SLC9C1: variants seen among roughly 807,000 people sequenced by gnomAD.
SLC9C1 encodes the protein solute carrier family 9 member C1.
A neutral mutation model predicts 140.9 loss-of-function variants in SLC9C1; 97 were observed. The observed-to-expected ratio is 0.69, with a 90% confidence interval of 0.58 to 0.82. The LOEUF (loss-of-function observed/expected upper bound fraction) is 0.82. SLC9C1 is among the 40% of genes least tolerant of loss of function. The pLI is 0.00. For synonymous variants in SLC9C1, 440 were observed against 442.6 expected, an observed-to-expected ratio of 0.99 and a Z score of 0.07; for missense variants, 1,340 against 1,389.3, an observed-to-expected ratio of 0.96 and a Z score of 0.56.
chr3:112,212,462 AG>A (rs1334179106), intron 15 of SLC9C1, among the ~76,000 whole-genome samples: 3 of 152,216 alleles, frequency 2.0e-5, no homozygotes, highest in Non-Finnish European at 4.4e-5. Flanking sequence ...CCTTGAAAAA[AG>A]ATTAGACAAA....
At chr3:112,161,265 T>C (rs951346333) in intron 26 of SLC9C1, among the ~76,000 whole-genome samples, 1 of 152,222 alleles carries the variant, frequency 6.6e-6, no homozygotes, top group Non-Finnish European at 1.5e-5. Context: ...GCGGAAGCTC[T>C]TTAGTTTAAT....
intron 10 of SLC9C1, among the ~76,000 whole-genome samples, chr3:112,254,974 TA>T (rs780099941): frequency 4.6e-5 from 7 of 152,050 alleles, no homozygotes; most frequent in Non-Finnish European, 1.0e-4. Context: ...ACAAAGTTTT[TA>T]AAAACACAAA....
chr3:112,155,559 G>C (rs1268682149), intron 26 of SLC9C1, among the ~76,000 whole-genome samples: 1 of 152,098 alleles, frequency 6.6e-6, no homozygotes, highest in African/African-American at 2.4e-5. Context: ...ATGGCTGCTT[G>C]GAGAAAAAGC....
At chr3:112,255,419 G>A (rs1427997223) in intron 10 of SLC9C1, among the ~76,000 whole-genome samples, 1 of 151,832 alleles carries the variant, frequency 6.6e-6, no homozygotes, top group East Asian at 1.9e-4. Context: ...CAGAAATTAA[G>A]GCTAAAAAAC....
rs1453652006 is a variant in SLC9C1, at chr3:112,141,276, T to C, written c.3530A>G (p.Glu1177Gly). Residue 1177 changes from glutamate (E) to glycine (G), a missense_variant, in exon 29 of 29, where the codon GAG becomes GGG. Transcript: ENST00000305815. ...PRINLRKVRK[E>G] Reference sequence around the variant, plus strand: ...GCTTCGGTCTTCTTAACAGTCTTACTCTTTCCTAATAGAAGCGGAAAGAAA... The same window carrying C: ...GCTTCGGTCTTCTTAACAGTCTTACCCTTTCCTAATAGAAGCGGAAAGAAA... 3 of 1,584,704 alleles carry C rather than the reference T, an allele frequency of 1.9e-6. No individual in the cohort carries two copies. Among genetic ancestry groups the C allele is most frequent in the East Asian group, 4.7e-5 (2 of 42,310 alleles).
chr3:112,147,375 A>G (rs2074831615), intron 28 of SLC9C1: 2 of 183,012 alleles, frequency 1.1e-5, no homozygotes, highest in South Asian at 8.3e-5. Flanking sequence ...TTTGTTTTAT[A>G]TGGCCTGCAA....
chr3:112,190,928 A>AAC (rs56930611), intron 20 of SLC9C1, among the ~76,000 whole-genome samples: 15,111 of 138,654 alleles, frequency 0.11, 775 homozygotes, highest in East Asian at 0.19. Context: ...ACTTTTTTTA[A>AAC]ACACACACAC....
intron 10 of SLC9C1, among the ~76,000 whole-genome samples, chr3:112,250,532 G>C (rs2079425705): frequency 1.3e-5 from 2 of 151,448 alleles, no homozygotes; most frequent in African/African-American, 4.9e-5. Flanking sequence ...CCCACCAACA[G>C]TGTAAAAGTG....
chr3:112,142,330 T>C (rs1338522675), intron 28 of SLC9C1, among the ~76,000 whole-genome samples: 2 of 152,236 alleles, frequency 1.3e-5, no homozygotes, highest in African/African-American at 4.8e-5. Flanking sequence ...TCTCCATTGT[T>C]AGGTATTGTC....
At chr3:112,195,874 CTG>C (rs1269807118) in intron 20 of SLC9C1, among the ~76,000 whole-genome samples, 10 of 152,022 alleles carry the variant, frequency 6.6e-5, no homozygotes, top group Admixed American at 3.9e-4. Context: ...ATACTAATAA[CTG>C]TTTTTAGTAG....
At chr3:112,171,879 G>C (rs2077253544) in intron 23 of SLC9C1, among the ~76,000 whole-genome samples, 1 of 152,098 alleles carries the variant, frequency 6.6e-6, no homozygotes, top group Non-Finnish European at 1.5e-5. Context: ...TTTTTCCATT[G>C]AGATAATTTG....
Position 112,146,762 on chromosome 3 carries a change from G to A in SLC9C1, c.3524+5095C>T, listed in dbSNP as rs150656122. 1.1e-3 allele frequency among the ~76,000 whole-genome samples: 161 copies of A among 152,144 alleles called. 3 individuals are homozygous for A. The East Asian group carries it at 0.013, about 12-fold the overall frequency. On this transcript the variant is annotated intron_variant, in intron 28 of 28. Coordinates refer to ENST00000305815, the MANE Select transcript of SLC9C1 (RefSeq NM_183061.3). ...CAATCTTGGAATATTTTTTGTGTGC[G>A]GATGAGAATAATATACATTGTGGTT...
At chr3:112,150,288 C>G (rs960147470) in intron 28 of SLC9C1, among the ~76,000 whole-genome samples, 15 of 152,172 alleles carry the variant, frequency 9.9e-5, no homozygotes, top group African/African-American at 1.7e-4. Context: ...GGGAAAATGT[C>G]TACAGCTTTC....
At chr3:112,249,433 A>G (rs2079386746) in intron 10 of SLC9C1, among the ~76,000 whole-genome samples, 1 of 151,922 alleles carries the variant, frequency 6.6e-6, no homozygotes, top group African/African-American at 2.4e-5. Flanking sequence ...TGTCTCTGCT[A>G]GCTCTGCCAG....
At chr3:112,208,561 C>T (rs1257474282) in intron 15 of SLC9C1, among the ~76,000 whole-genome samples, 188 bp from the exon 16 acceptor site, 1 of 152,154 alleles carries the variant, frequency 6.6e-6, no homozygotes, top group Non-Finnish European at 1.5e-5. Context: ...TTCCACTGAT[C>T]CTCCTCTGTC....
chr3:112,290,240 A>T (rs371122806), intron 1 of SLC9C1, among the ~76,000 whole-genome samples: 1 of 152,220 alleles, frequency 6.6e-6, no homozygotes, highest in Non-Finnish European at 1.5e-5. Context: ...ACATTCCTAC[A>T]TGCTTTCTGA....
At chr3:112,269,268 T>C (rs2080006598) in intron 7 of SLC9C1, among the ~76,000 whole-genome samples, 1 of 151,828 alleles carries the variant, frequency 6.6e-6, no homozygotes, top group Non-Finnish European at 1.5e-5. Context: ...TGCCACCACA[T>C]CTAGCTAGTT....
chr3:112,159,666 CCTA>C (rs1341485920), intron 26 of SLC9C1, among the ~76,000 whole-genome samples: 1 of 151,978 alleles, frequency 6.6e-6, no homozygotes, highest in African/African-American at 2.4e-5. Context: ...GTTGAAGTCC[CCTA>C]CTACTATTTT....
chr3:112,280,959 G>A (rs1392090352), intron 2 of SLC9C1, among the ~76,000 whole-genome samples, 176 bp from the exon 3 acceptor site: 2 of 151,982 alleles, frequency 1.3e-5, no homozygotes, highest in African/African-American at 2.4e-5. Context: ...TTAATCTACC[G>A]GGTTACTGTT....
Sources: gnomAD v4.1 joint callset for allele counts (sites outside exome capture counted in the v4.1 genomes callset) on GRCh38, gnomAD v4.1.1 for gene constraint, MANE v1.5 for transcripts, NCBI Gene and HGNC (gene_info 2026-07-23, HGNC 2026-07-21) for gene names.